The following WRNIP1 variants were observed in gnomAD, a reference collection of about 807,000 sequenced individuals.
The protein encoded by WRNIP1 is ATPase WRNIP1.
In WRNIP1, 41 loss-of-function variants were observed where a neutral mutation model predicts 56.1. That is an observed-to-expected ratio of 0.73 (90% CI 0.57 to 0.95). WRNIP1 has a LOEUF of 0.95. Among genes scored for constraint, WRNIP1 ranks in the 40% least tolerant of loss-of-function variants. WRNIP1 has a pLI of 0.00. For synonymous variants in WRNIP1, 547 were observed against 398.1 expected (o/e 1.37, Z -4.45); for missense variants, 1,170 against 939.4 (o/e 1.25, Z -3.21).
intron 1 of WRNIP1, among the ~76,000 whole-genome samples, chr6:2,766,714 G>A (rs1765017517): frequency 2.0e-5 from 3 of 152,138 alleles, no homozygotes; most frequent in Admixed American, 2.0e-4. Context: ...TACAAGATGT[G>A]GACTCTTAGA....
rs1765510359 is a variant in WRNIP1, at chr6:2,779,572, T to TG, written c.1486+83dup. On this transcript the variant is annotated intron_variant, in intron 4 of 6. Coordinates refer to ENST00000380773, the MANE Select transcript of WRNIP1 (RefSeq NM_020135.3). Reference sequence around the variant, plus strand: ...ACATTCTCATTTCCGGAAGCCTGACTGGGTTCCGGAAGCATTCCAGCTGGG... The same window carrying TG: ...ACATTCTCATTTCCGGAAGCCTGACTGGGGTTCCGGAAGCATTCCAGCTGGG... 1.5e-5 allele frequency: 22 copies of TG among 1,434,884 alleles called. No individual in the cohort carries two copies. In the South Asian group the frequency reaches 2.7e-4, roughly 18 times the overall value. The allele number at this position is 1,434,884 out of a possible 1,614,324, so 88.9% of individuals were successfully genotyped here.
chr6:2,778,557 A>G (rs565447925), intron 3 of WRNIP1, among the ~76,000 whole-genome samples: 23 of 152,272 alleles, frequency 1.5e-4, no homozygotes, highest in African/African-American at 2.9e-4. Context: ...TCTCATGGCT[A>G]TGTACCAGCA....
rs1361668605 is a variant in WRNIP1, at chr6:2,766,198, C to T, written c.576C>T (p.Asp192=). 1.4e-6 allele frequency: 2 copies of T among 1,407,224 alleles called. No individual in the cohort carries two copies. Among genetic ancestry groups the T allele is most frequent in the South Asian group, 3.1e-5 (2 of 63,600 alleles). 87.2% of individuals were successfully genotyped at this position (1,407,224 alleles called of 1,614,324 possible). ...ACGACCCGGGGCACTGGGACGCGGA[C>T]GCTGCCGAAGCCGCCACCGCCTTCG... ...GEDDPGHWDA[D]AAEAATAFGA... is the part of the protein sequence containing the mutation. Residue 192 remains aspartate (D), a synonymous_variant, in exon 1 of 7, where the codon GAC becomes GAT. Coordinates refer to ENST00000380773, the MANE Select transcript of WRNIP1 (RefSeq NM_020135.3).
intron 4 of WRNIP1, among the ~76,000 whole-genome samples, chr6:2,780,467 A>G (rs1300697550): frequency 2.0e-5 from 3 of 152,274 alleles, no homozygotes; most frequent in African/African-American, 7.2e-5. Flanking sequence ...GCCTCAGCTG[A>G]TGGTAGCTCA....
At chr6:2,779,064 G>T (rs766111420) in intron 3 of WRNIP1, among the ~76,000 whole-genome samples, 199 bp from the exon 4 acceptor site, 1 of 152,188 alleles carries the variant, frequency 6.6e-6, no homozygotes, top group Non-Finnish European at 1.5e-5. Flanking sequence ...AAGATACAGG[G>T]CGATAACCTG....
intron 3 of WRNIP1, among the ~76,000 whole-genome samples, chr6:2,778,004 A>G (rs1273693009): frequency 1.3e-5 from 2 of 152,110 alleles, no homozygotes; most frequent in Non-Finnish European, 2.9e-5. Context: ...TTTGGTAAAT[A>G]TGGGGGTGAG....
At chr6:2,781,815 G>A (rs779898549) in intron 4 of WRNIP1, among the ~76,000 whole-genome samples, 7 of 152,214 alleles carry the variant, frequency 4.6e-5, no homozygotes, top group South Asian at 2.1e-4. Context: ...TGTGCCAGGC[G>A]TGTGTTATTT....
At chr6:2,783,653 T>TTTTTAGGG in intron 5 of WRNIP1, 92 bp downstream of exon 5, 1 of 119,820 alleles carries the variant, frequency 8.3e-6, no homozygotes, top group Non-Finnish European at 1.1e-5. Context: ...TTTTTTTTTT[T>TTTTTAGGG]GCAGGGCGGG....
chr6:2,772,228 T>A (rs930522210), intron 3 of WRNIP1, among the ~76,000 whole-genome samples: 1 of 152,230 alleles, frequency 6.6e-6, no homozygotes, highest in Non-Finnish European at 1.5e-5. Context: ...TAATTAAGAT[T>A]TAGTTATTGA....
At chr6:2,774,280 G>T in intron 3 of WRNIP1, 2 of 985,428 alleles carry the variant, frequency 2.0e-6, no homozygotes, top group South Asian at 9.4e-5. Flanking sequence ...TGCACTTCCT[G>T]TGGCTGCTGT....
At chr6:2,783,878 T>C (rs1033541748) in intron 5 of WRNIP1, among the ~76,000 whole-genome samples, 1 of 152,074 alleles carries the variant, frequency 6.6e-6, no homozygotes. Context: ...TGCTTTTAAA[T>C]TTGCTTTAAG....
intron 3 of WRNIP1, among the ~76,000 whole-genome samples, 196 bp from the exon 4 acceptor site, chr6:2,779,067 A>T (rs1023440449): frequency 6.6e-6 from 1 of 152,246 alleles, no homozygotes; most frequent in Non-Finnish European, 1.5e-5. Flanking sequence ...ATACAGGGCG[A>T]TAACCTGGTG....
intron 1 of WRNIP1, among the ~76,000 whole-genome samples, chr6:2,767,919 C>T (rs1224270139): frequency 6.6e-6 from 1 of 152,214 alleles, no homozygotes; most frequent in African/African-American, 2.4e-5. Flanking sequence ...AGAATGGGTG[C>T]TCTACAACTT....
At chr6:2,770,936 T>C (rs1765257814) in intron 3 of WRNIP1, among the ~76,000 whole-genome samples, 1 of 152,364 alleles carries the variant, frequency 6.6e-6, no homozygotes, top group Middle Eastern at 3.4e-3. Context: ...AGGCTGTCCC[T>C]ATCCTTTTAG....
Position 2,766,039 on chromosome 6 carries a change from G to C in WRNIP1, c.417G>C (p.Ser139=). The part of the protein sequence containing the change: ...ARSSSPGRKG[S]GKRPAAAAAA... ...CCAGCAGCCCCGGGAGGAAGGGGTCGGGGAAGAGGCCGGCGGCCGCCGCCG... is the reference window on the plus strand; with the variant it reads ...CCAGCAGCCCCGGGAGGAAGGGGTCCGGGAAGAGGCCGGCGGCCGCCGCCG... The change falls in exon 1 of 7, where the codon TCG becomes TCC. Residue 139 remains serine (S), a synonymous_variant. Coordinates refer to ENST00000380773, the MANE Select transcript of WRNIP1 (RefSeq NM_020135.3). The C allele has an allele frequency of 7.7e-7, 1 of 1,303,422 alleles. No homozygotes were observed. Among genetic ancestry groups the C allele is most frequent in the Non-Finnish European group, 9.7e-7 (1 of 1,030,752 alleles). The allele number at this position is 1,303,422 out of a possible 1,614,324, so 80.7% of individuals were successfully genotyped here.
intron 4 of WRNIP1, among the ~76,000 whole-genome samples, chr6:2,783,037 A>G (rs1765601181): frequency 6.6e-6 from 1 of 152,120 alleles, no homozygotes; most frequent in African/African-American, 2.4e-5. Context: ...CTTTTCCTCC[A>G]GTAGATGGTG....
Position 2,765,941 on chromosome 6 carries a change from A to G in WRNIP1, c.319A>G (p.Ser107Gly). 6.9e-7 allele frequency: 1 copy of G among 1,442,690 alleles called. No individual in the cohort carries two copies. The highest frequency in any genetic ancestry group is 1.4e-5 in the South Asian group (1 of 74,066). 89.4% of individuals were successfully genotyped at this position (1,442,690 alleles called of 1,614,324 possible). A position where few individuals can be genotyped will look rare whatever the true frequency, so the allele number is the denominator to read the frequency against. ...GGGCGACGACGGCGGCGAGACCGAG[A>G]GCCGCGAGAGCTACGACGCGCCGCC... is the stretch of plus-strand genomic sequence containing the variant. ...EEGDDGGETESRESYDAPPTP... is the reference protein window; with the variant it reads ...EEGDDGGETEGRESYDAPPTP... The change falls in exon 1 of 7, where the codon AGC becomes GGC. Residue 107 changes from serine (S) to glycine (G), a missense_variant. Transcript: ENST00000380773.
chr6:2,765,827 G>T lies in WRNIP1; in HGVS notation c.205G>T (p.Ala69Ser), dbSNP rs1272232793. The change falls in exon 1 of 7, where the codon GCC (alanine) becomes TCC (serine). Residue 69 changes from alanine (A) to serine (S), a missense_variant. By Grantham distance (99) the Ala-to-Ser change is moderately conservative. Transcript: ENST00000380773. The stretch of plus-strand genomic sequence containing the variant: ...GGCCAAGGGGCCCTCGCCGCCCGGC[G>T]CCAAGAGGCGGCGGCTGTCGGAGAG... Reference protein sequence around the residue: ...ERAKGPSPPGAKRRRLSESSA... With the variant: ...ERAKGPSPPGSKRRRLSESSA... The T allele has an allele frequency of 2.9e-6, 4 of 1,363,582 alleles. No homozygotes were observed. The Admixed American group carries it at 1.0e-4, about 35-fold the overall frequency. 84.5% of individuals were successfully genotyped at this position (1,363,582 alleles called of 1,614,324 possible).
chr6:2,765,925 C>A lies in WRNIP1; in HGVS notation c.303C>A (p.Asp101Glu), dbSNP rs1282475818. ...AGGGCGAGGGTGAGGAGGGCGACGA[C>A]GGCGGCGAGACCGAGAGCCGCGAGA... ...SSEGEGEEGD[D>E]GGETESRESY... The change falls in exon 1 of 7, where the codon GAC (aspartate) becomes GAA (glutamate). Residue 101 changes from aspartate (D) to glutamate (E), a missense_variant. By Grantham distance (45) the Asp-to-Glu change is conservative. Coordinates refer to ENST00000380773, the MANE Select transcript of WRNIP1 (RefSeq NM_020135.3). The A allele has an allele frequency of 1.4e-6, 2 of 1,452,282 alleles. No individual in the cohort carries two copies. Among genetic ancestry groups the A allele is most frequent in the Non-Finnish European group, 1.8e-6 (2 of 1,103,594 alleles). 90.0% of individuals were successfully genotyped at this position (1,452,282 alleles called of 1,614,324 possible).
Sources: allele counts gnomAD v4.1 joint callset (sites outside exome capture counted in the v4.1 genomes callset), GRCh38; gene constraint gnomAD v4.1.1; transcripts MANE v1.5; gene names NCBI Gene and HGNC (gene_info 2026-07-23, HGNC 2026-07-21).